SBNO1: variants seen among roughly 807,000 people sequenced by gnomAD.
The protein encoded by SBNO1 is protein strawberry notch homolog 1.
A neutral mutation model predicts 173.6 loss-of-function variants in SBNO1; 23 were observed. The observed-to-expected ratio is 0.13, with a 90% CI of 0.10 to 0.19. SBNO1 has a LOEUF of 0.19. Ranked by LOEUF, SBNO1 falls within the 10% of genes least tolerant of loss-of-function variation. The pLI, the probability that SBNO1 is intolerant of heterozygous loss-of-function variation, is 1.00. For missense variants in SBNO1, 1,238 were observed against 1,671.2 expected (o/e 0.74, Z 4.52); for synonymous variants, 632 against 571.5 (o/e 1.11, Z -1.51).
Position 123,364,191 on chromosome 12 carries a change from T to C in SBNO1, c.-1+510A>G, listed in dbSNP as rs566048546. 3.0e-4 allele frequency: 291 copies of C among 985,476 alleles called. 2 individuals are homozygous for C. In the Middle Eastern group the frequency reaches 3.1e-3, roughly 11 times the overall value. 61.0% of individuals were successfully genotyped at this position (985,476 alleles called of 1,614,324 possible). On this transcript the variant is annotated intron_variant, in intron 1 of 31. Coordinates refer to ENST00000602398, the MANE Select transcript of SBNO1 (RefSeq NM_001167856.3). ...CATGTACGAGACCGCGCTGTGGGGT[T>C]CAGATTTAGGAAGGACGACCGCGTC...
chr12:123,322,388 G>A lies in SBNO1; in HGVS notation c.2126-656C>T, dbSNP rs1010433996. Among the ~76,000 whole-genome samples the A allele has an allele frequency of 2.6e-5, 4 of 151,972 alleles. 1 individual carries two copies. Among genetic ancestry groups the A allele is most frequent in the Non-Finnish European group, 4.4e-5 (3 of 68,006 alleles). The stretch of plus-strand genomic sequence containing the variant: ...TGGCTCACTGCAACCTCTGCCTCCC[G>A]AGTTCAAGTGATTCTAATGCCTCAG... On this transcript the variant is annotated intron_variant, in intron 16 of 31. Transcript: ENST00000602398.
intron 2 of SBNO1, chr12:123,349,210 CCA>C (rs1491539837): frequency 1.3e-5 from 2 of 152,060 alleles, no homozygotes; most frequent in Non-Finnish European, 2.9e-5. Flanking sequence ...AGCGATCCTC[CCA>C]CCTCAGCCTC....
chr12:123,302,775 AT>A (rs564248506), intron 30 of SBNO1, 48 bp downstream of exon 30: 134 of 1,151,694 alleles, frequency 1.2e-4, no homozygotes, highest in Non-Finnish European at 1.6e-4. Context: ...GTGTATTTAA[AT>A]CTCAATTAAA....
chr12:123,289,647 C>T lies in SBNO1; in HGVS notation c.*6261G>A, dbSNP rs544169834. 1.3e-5 allele frequency: 2 copies of T among 152,280 alleles called. No individual in the cohort carries two copies. Among genetic ancestry groups the T allele is most frequent in the South Asian group, 4.1e-4 (2 of 4,828 alleles). 9.4% of individuals were successfully genotyped at this position (152,280 alleles called of 1,614,324 possible). The stretch of plus-strand genomic sequence containing the variant: ...TGGCCAAAGTTTTATTGCAGAGATA[C>T]AGTGTACCTCTTCCCACCTCTCATG... On this transcript the variant is annotated 3_prime_UTR_variant, in exon 32 of 32. Transcript: ENST00000602398.
chr12:123,309,280 T>G, intron 28 of SBNO1, 30 bp downstream of exon 28: 1 of 1,512,048 alleles, frequency 6.6e-7, no homozygotes, highest in Non-Finnish European at 9.2e-7. Context: ...GTATTATATA[T>G]CTGAATAGAA....
intron 12 of SBNO1, 38 bp downstream of exon 12, chr12:123,327,669 T>C (rs148058595): frequency 4.6e-5 from 73 of 1,578,386 alleles, no homozygotes; most frequent in Admixed American, 1.5e-4. Flanking sequence ...ACTTCTTAGA[T>C]TGCTACTGAG....
In SBNO1 at chr12:123,330,483, T is replaced by A; in HGVS notation, c.1070A>T (p.Tyr357Phe). ...LWFSVSNDLK[Y>F]DAERDLRDIG... is the part of the protein sequence containing the mutation. ...ATCCCTTAAATCTCTTTCAGCATCA[T>A]ACTTTAAGTCATTTGAAACACTAAA... Residue 357 changes from tyrosine (Y) to phenylalanine (F), a missense_variant, in exon 9 of 32, where the codon TAT (tyrosine) becomes TTT (phenylalanine). Transcript: ENST00000602398. 6.2e-7 allele frequency: 1 copy of A among 1,602,360 alleles called. No homozygotes were observed. The highest frequency in any genetic ancestry group is 8.5e-7 in the Non-Finnish European group (1 of 1,174,734).
intron 30 of SBNO1, among the ~76,000 whole-genome samples, chr12:123,302,619 A>T (rs1486331943): frequency 6.6e-6 from 1 of 152,208 alleles, no homozygotes; most frequent in Non-Finnish European, 1.5e-5. Context: ...GGAAATAAGA[A>T]AGCATCAGTG....
intron 3 of SBNO1, 68 bp downstream of exon 3, chr12:123,347,961 C>A (rs898027478): frequency 5.2e-6 from 5 of 952,458 alleles, no homozygotes; most frequent in Non-Finnish European, 8.2e-6. Context: ...ATCACCACAC[C>A]CGGCCATGTT....
At chr12:123,300,199 A>G (rs1208240123) in intron 30 of SBNO1, among the ~76,000 whole-genome samples, 2 of 152,200 alleles carry the variant, frequency 1.3e-5, no homozygotes, top group African/African-American at 2.4e-5. Flanking sequence ...TTTTCTTGCT[A>G]TAACTCAAAG....
intron 1 of SBNO1, among the ~76,000 whole-genome samples, chr12:123,351,494 G>A (rs1207309988): frequency 6.6e-6 from 1 of 152,086 alleles, no homozygotes; most frequent in Non-Finnish European, 1.5e-5. Flanking sequence ...AAGTGTGGTG[G>A]TGCACGCCTG....
chr12:123,331,798 G>C (rs938581605), intron 7 of SBNO1, among the ~76,000 whole-genome samples: 2 of 151,988 alleles, frequency 1.3e-5, no homozygotes, highest in Non-Finnish European at 2.9e-5. Flanking sequence ...GGGATTACAG[G>C]TGTGAGGCAC....
intron 4 of SBNO1, among the ~76,000 whole-genome samples, chr12:123,342,016 T>TA: frequency 6.7e-6 from 1 of 148,724 alleles, no homozygotes; most frequent in Non-Finnish European, 1.5e-5. Context: ...TCATTAAAAA[T>TA]AAACAAGGCC....
chr12:123,354,911 T>C (rs1309326781), intron 1 of SBNO1, among the ~76,000 whole-genome samples: 1 of 152,188 alleles, frequency 6.6e-6, no homozygotes, highest in East Asian at 1.9e-4. Context: ...ATTTGAAAGC[T>C]GGGTGCGGTG....
chr12:123,310,217 C>G (rs2049017761), intron 25 of SBNO1, among the ~76,000 whole-genome samples: 1 of 152,100 alleles, frequency 6.6e-6, no homozygotes, highest in Non-Finnish European at 1.5e-5. Flanking sequence ...CTCCACCCGA[C>G]TTCAGTAATT....
intron 7 of SBNO1, among the ~76,000 whole-genome samples, chr12:123,332,513 A>C (rs1381532026): frequency 6.6e-6 from 1 of 151,942 alleles, no homozygotes. Context: ...GCTGGTCTCG[A>C]ACTCCCAACC....
rs2048563195 is a variant in SBNO1, at chr12:123,294,651, A to AG, written c.*1256_*1257insC. 6.0e-6 allele frequency: 1 copy of AG among 166,850 alleles called. No individual in the cohort carries two copies. The highest frequency in any genetic ancestry group is 2.5e-5 in the African/African-American group (1 of 39,834). The allele number at this position is 166,850 out of a possible 1,614,324, so 10.3% of individuals were successfully genotyped here. A position where few individuals can be genotyped will look rare whatever the true frequency, so the allele number is the denominator to read the frequency against. On this transcript the variant is annotated 3_prime_UTR_variant, in exon 32 of 32. Transcript: ENST00000602398. The stretch of plus-strand genomic sequence containing the variant: ...TGTGGAAGCAAAAAAAAAAAAAAAA[A>AG]AAAAAAAAAAGAAAAAAAGAAAAGA...
Position 123,340,988 on chromosome 12 carries a change from C to T in SBNO1, c.651G>A (p.Met217Ile), listed in dbSNP as rs1593393271. ...DMKMRSFSPT[M>I]KVPVVKEDDE... ...AAAGACACAGTTATTTGAAACTCAC[C>T]ATGGTTGGGGAAAAACTCCTCATCT... Residue 217 changes from methionine to isoleucine, a missense_variant and splice_region_variant, in exon 5 of 32, where the codon ATG becomes ATA. Physicochemically the swap from Met to Ile is conservative, Grantham distance 10. Coordinates refer to ENST00000602398, the MANE Select transcript of SBNO1 (RefSeq NM_001167856.3). 1 of 1,547,924 alleles carries T rather than the reference C, an allele frequency of 6.5e-7. No individual in the cohort carries two copies. The highest frequency in any genetic ancestry group is 8.9e-7 in the Non-Finnish European group (1 of 1,126,418).
intron 24 of SBNO1, among the ~76,000 whole-genome samples, chr12:123,311,720 C>CTATCTACCTATATA: frequency 7.8e-6 from 1 of 127,448 alleles, no homozygotes; most frequent in Admixed American, 8.0e-5. Context: ...ATCTATCTAT[C>CTATCTACCTATATA]TATATATATA....
Sources: gnomAD v4.1 joint callset for allele counts (sites outside exome capture counted in the v4.1 genomes callset) on GRCh38, gnomAD v4.1.1 for gene constraint, MANE v1.5 for transcripts, NCBI Gene and HGNC (gene_info 2026-07-23, HGNC 2026-07-21) for gene names.